The following LRRTM4 variants were observed in gnomAD, a reference collection of about 807,000 sequenced individuals.
The protein encoded by LRRTM4 is leucine-rich repeat transmembrane neuronal protein 4.
Under a neutral mutation model 47.6 loss-of-function variants are expected in LRRTM4, and 25 were observed. The ratio of observed to expected loss-of-function variants is 0.53; its 90% confidence interval spans 0.38 to 0.73. The LOEUF (loss-of-function observed/expected upper bound fraction) is 0.73. Ranked by LOEUF, LRRTM4 falls within the 30% of genes least tolerant of loss-of-function variation. The pLI, the probability that LRRTM4 is intolerant of heterozygous loss-of-function variation, is 0.00. For missense variants in LRRTM4, 638 were observed against 713.4 expected (o/e 0.89, Z 1.20); for synonymous variants, 311 against 269.5 (o/e 1.15, Z -1.51).
intron 3 of LRRTM4, among the ~76,000 whole-genome samples, chr2:77,410,288 T>G (rs752326216): frequency 2.0e-5 from 3 of 152,058 alleles, no homozygotes; most frequent in Non-Finnish European, 2.9e-5. Flanking sequence ...ATTGGGAAAA[T>G]GGGACCAACC....
chr2:77,319,336 G>A (rs1016949301), intron 3 of LRRTM4, among the ~76,000 whole-genome samples: 2 of 151,788 alleles, frequency 1.3e-5, no homozygotes, highest in Admixed American at 6.6e-5. Flanking sequence ...GCAGTGAGCC[G>A]AGATCGCGCC....
At chr2:77,153,385 C>G (rs961157370) in intron 3 of LRRTM4, among the ~76,000 whole-genome samples, 5 of 152,172 alleles carry the variant, frequency 3.3e-5, no homozygotes, top group Admixed American at 3.3e-4. Flanking sequence ...GAAGTTAGCT[C>G]TCTGAGTATT....
At chr2:76,773,473 A>C (rs1023760989) in intron 3 of LRRTM4, among the ~76,000 whole-genome samples, 1 of 152,234 alleles carries the variant, frequency 6.6e-6, no homozygotes, top group Non-Finnish European at 1.5e-5. Context: ...TATATTATGC[A>C]GTATATATGT....
At chr2:76,925,097 G>C (rs912346869) in intron 3 of LRRTM4, among the ~76,000 whole-genome samples, 3 of 152,034 alleles carry the variant, frequency 2.0e-5, no homozygotes, top group African/African-American at 7.2e-5. Flanking sequence ...AAGAAAAAAA[G>C]GTAAAGATGT....
intron 3 of LRRTM4, among the ~76,000 whole-genome samples, chr2:76,897,044 A>G (rs1673440171): frequency 6.6e-6 from 1 of 151,944 alleles, no homozygotes; most frequent in African/African-American, 2.4e-5. Context: ...TGTAAGACGG[A>G]CACTCGTAGC....
chr2:76,764,878 G>A (rs752447080), intron 3 of LRRTM4, among the ~76,000 whole-genome samples: 16 of 152,154 alleles, frequency 1.1e-4, no homozygotes, highest in Non-Finnish European at 1.8e-4. Context: ...CATAGGTCCA[G>A]GGGAAAAGAC....
chr2:77,047,072 G>A (rs970383312), intron 3 of LRRTM4, among the ~76,000 whole-genome samples: 1 of 152,018 alleles, frequency 6.6e-6, no homozygotes, highest in African/African-American at 2.4e-5. Flanking sequence ...TTACATCTCA[G>A]TTTGGGAGTA....
At chr2:77,035,971 TAC>T (rs369496585) in intron 3 of LRRTM4, among the ~76,000 whole-genome samples, 7 of 151,964 alleles carry the variant, frequency 4.6e-5, no homozygotes, top group African/African-American at 1.7e-4. Context: ...TCTAGAGTGT[TAC>T]AGTGTCTTAC....
At chr2:77,001,430 A>G (rs1677424326) in intron 3 of LRRTM4, among the ~76,000 whole-genome samples, 1 of 152,168 alleles carries the variant, frequency 6.6e-6, no homozygotes, top group Admixed American at 6.6e-5. Flanking sequence ...ACCATATCAG[A>G]ATGCAATACA....
chr2:77,163,282 A>G (rs1480672786), intron 3 of LRRTM4, among the ~76,000 whole-genome samples: 2 of 152,172 alleles, frequency 1.3e-5, no homozygotes, highest in Non-Finnish European at 2.9e-5. Flanking sequence ...TAGAGAAAAA[A>G]GAGTAAGAAA....
At chr2:76,940,937 G>C (rs1235723154) in intron 3 of LRRTM4, among the ~76,000 whole-genome samples, 1 of 152,072 alleles carries the variant, frequency 6.6e-6, no homozygotes, top group South Asian at 2.1e-4. Flanking sequence ...GACAATTTCA[G>C]TACCTATTGA....
At chr2:77,354,750 C>T (rs1671908868) in intron 3 of LRRTM4, among the ~76,000 whole-genome samples, 1 of 152,144 alleles carries the variant, frequency 6.6e-6, no homozygotes, top group Non-Finnish European at 1.5e-5. Context: ...CATACTTCCA[C>T]ACTCGTCAGC....
chr2:76,788,810 T>G (rs999300831), intron 3 of LRRTM4, among the ~76,000 whole-genome samples: 1 of 152,094 alleles, frequency 6.6e-6, no homozygotes, highest in Non-Finnish European at 1.5e-5. Context: ...GACTCAAACA[T>G]AGAGAAGTTT....
chr2:77,133,667 G>T (rs1350351834), intron 3 of LRRTM4, among the ~76,000 whole-genome samples: 1 of 152,122 alleles, frequency 6.6e-6, no homozygotes. Flanking sequence ...GATGTTGGAT[G>T]AAATAAATAA....
At chr2:77,070,224 T>C (rs1234051700) in intron 3 of LRRTM4, among the ~76,000 whole-genome samples, 1 of 151,808 alleles carries the variant, frequency 6.6e-6, no homozygotes, top group Admixed American at 6.6e-5. Context: ...TTACAGAGGC[T>C]CAGTCATTTT....
chr2:76,991,630 T>G (rs1461428231), intron 3 of LRRTM4, among the ~76,000 whole-genome samples: 1 of 151,592 alleles, frequency 6.6e-6, no homozygotes, highest in Admixed American at 6.6e-5. Flanking sequence ...GTTCTGAAAT[T>G]GCATCAATCA....
chr2:76,983,441 T>A (rs942078065), intron 3 of LRRTM4, among the ~76,000 whole-genome samples: 1 of 151,958 alleles, frequency 6.6e-6, no homozygotes, highest in African/African-American at 2.4e-5. Flanking sequence ...TGAATAAGTC[T>A]CAGGAGATTT....
chr2:77,250,732 T>C (rs2104012920), intron 3 of LRRTM4, among the ~76,000 whole-genome samples: 1 of 152,264 alleles, frequency 6.6e-6, no homozygotes, highest in East Asian at 1.9e-4. Context: ...CCCACTGAAA[T>C]GATCAAAGGC....
intron 3 of LRRTM4, among the ~76,000 whole-genome samples, chr2:77,168,741 C>G (rs1476947993): frequency 1.3e-5 from 2 of 152,126 alleles, no homozygotes; most frequent in Non-Finnish European, 2.9e-5. Flanking sequence ...ATTCTACTCT[C>G]TAACTCCATG....
Sources: gnomAD v4.1 joint callset for allele counts (sites outside exome capture counted in the v4.1 genomes callset) on GRCh38, gnomAD v4.1.1 for gene constraint, MANE v1.5 for transcripts, NCBI Gene and HGNC (gene_info 2026-07-23, HGNC 2026-07-21) for gene names.